The following CHMP2B variants were observed in gnomAD, a reference collection of about 807,000 sequenced individuals.
CHMP2B encodes charged multivesicular body protein 2B, also known as VPS2 homolog B.
CHMP2B carries 22 observed loss-of-function variants against 29.8 expected under a neutral mutation model. The observed-to-expected ratio is 0.74, with a 90% confidence interval of 0.53 to 1.05. The LOEUF (loss-of-function observed/expected upper bound fraction) is 1.05, where lower values mean the gene tolerates loss of function less well. CHMP2B is among the 50% of genes least tolerant of loss of function. CHMP2B has a pLI of 0.00. For synonymous variants in CHMP2B, 78 were observed against 75.8 expected, an observed-to-expected ratio of 1.03 and a Z score of -0.15; for missense variants, 261 against 252.2, an observed-to-expected ratio of 1.03 and a Z score of -0.24.
rs1706370313 is a variant in CHMP2B, at chr3:87,254,553, A to T, written c.*731A>T. On this transcript the variant is annotated 3_prime_UTR_variant, in exon 6 of 6. Transcript: ENST00000263780. ...GCTCTTTTCTATCTCTGTGGGCCTA[A>T]TTGAAATATGTACTCTTATTTTAGA... 1 of 152,188 alleles carries T rather than the reference A, an allele frequency of 6.6e-6. No individual in the cohort carries two copies. The allele number at this position is 152,188 out of a possible 1,614,324, so 9.4% of individuals were successfully genotyped here. A position where few individuals can be genotyped will look rare whatever the true frequency, so the allele number is the denominator to read the frequency against.
At chr3:87,250,535 A>T (rs1172897325) in intron 4 of CHMP2B, among the ~76,000 whole-genome samples, 1 of 151,938 alleles carries the variant, frequency 6.6e-6, no homozygotes, top group Non-Finnish European at 1.5e-5. Flanking sequence ...TGATCTACAA[A>T]AGTGAGATCA....
At chr3:87,239,573 A>C (rs1202026424) in intron 1 of CHMP2B, among the ~76,000 whole-genome samples, 1 of 152,174 alleles carries the variant, frequency 6.6e-6, no homozygotes, top group African/African-American at 2.4e-5. Flanking sequence ...CTAGTAAAGT[A>C]GTTAAGATCA....
At chr3:87,235,830 A>T (rs1029954400) in intron 1 of CHMP2B, among the ~76,000 whole-genome samples, 16 of 152,334 alleles carry the variant, frequency 1.1e-4, no homozygotes, top group African/African-American at 3.1e-4. Flanking sequence ...TTCAGATGCC[A>T]CTTGAAAGAC....
At chr3:87,243,337 C>T (rs78411838) in intron 2 of CHMP2B, among the ~76,000 whole-genome samples, 5,118 of 151,910 alleles carry the variant, frequency 0.034, 125 homozygotes, top group African/African-American at 0.066. Context: ...AATATCTGCA[C>T]CTGTGTTCAT....
At chr3:87,229,489 A>G (rs1262716565) in intron 1 of CHMP2B, among the ~76,000 whole-genome samples, 1 of 152,162 alleles carries the variant, frequency 6.6e-6, no homozygotes, top group Non-Finnish European at 1.5e-5. Flanking sequence ...ATTTACTGAC[A>G]TCTTAATAAA....
chr3:87,235,699 C>G (rs895712448), intron 1 of CHMP2B, among the ~76,000 whole-genome samples: 16 of 152,266 alleles, frequency 1.1e-4, no homozygotes, highest in African/African-American at 3.9e-4. Flanking sequence ...CTATATCTAG[C>G]CTTGACTCTG....
chr3:87,229,744 A>G (rs1340897961), intron 1 of CHMP2B, among the ~76,000 whole-genome samples: 1 of 152,108 alleles, frequency 6.6e-6, no homozygotes, highest in Admixed American at 6.5e-5. Flanking sequence ...TCTGATATAT[A>G]AGGGAAACAT....
At position 87,255,236 on chromosome 3, in the gene CHMP2B, T is replaced by C. The variant is rs1575973316; in HGVS notation, c.*1414T>C. 1 of 152,438 alleles carries C rather than the reference T, an allele frequency of 6.6e-6. No individual in the cohort carries two copies. Among genetic ancestry groups the C allele is most frequent in the South Asian group, 2.1e-4 (1 of 4,834 alleles). The allele number at this position is 152,438 out of a possible 1,614,324, so 9.4% of individuals were successfully genotyped here. ...GAATGAAAAACTAAACTGTATAGTT[T>C]ATATTCCGTAAACCATTTTATAATG... is the stretch of plus-strand genomic sequence containing the variant. On this transcript the variant is annotated 3_prime_UTR_variant, in exon 6 of 6. Coordinates refer to ENST00000263780, the MANE Select transcript of CHMP2B (RefSeq NM_014043.4).
intron 1 of CHMP2B, among the ~76,000 whole-genome samples, chr3:87,236,622 C>T (rs1486818908): frequency 2.0e-5 from 3 of 151,964 alleles, no homozygotes; most frequent in Non-Finnish European, 2.9e-5. Flanking sequence ...GAGGCCGAGG[C>T]GGTTGGATCA....
At chr3:87,252,429 A>C (rs966728024) in intron 4 of CHMP2B, among the ~76,000 whole-genome samples, 2 of 151,710 alleles carry the variant, frequency 1.3e-5, no homozygotes, top group Admixed American at 6.6e-5. Flanking sequence ...ACAACCAAAC[A>C]GAAGAACTTA....
chr3:87,228,133 T>C (rs947086825), intron 1 of CHMP2B, among the ~76,000 whole-genome samples: 8 of 152,186 alleles, frequency 5.3e-5, no homozygotes, highest in Non-Finnish European at 1.0e-4. Flanking sequence ...GTTTTCATAA[T>C]GGATTTTTCT....
At position 87,253,916 on chromosome 3, in the gene CHMP2B, A is replaced by C. The variant is rs1366638520; in HGVS notation, c.*94A>C. The C allele has an allele frequency of 1.2e-5, 7 of 600,020 alleles. No individual in the cohort carries two copies. In the Admixed American group the frequency reaches 2.2e-4, roughly 19 times the overall value. 37.2% of individuals were successfully genotyped at this position (600,020 alleles called of 1,614,324 possible). A position where few individuals can be genotyped will look rare whatever the true frequency, so the allele number is the denominator to read the frequency against. The stretch of plus-strand genomic sequence containing the variant: ...TTTTACAAAACACATGTATTTTGCA[A>C]AAAAAAAAAAAATGAAGACCATGAG... On this transcript the variant is annotated 3_prime_UTR_variant, in exon 6 of 6. Transcript: ENST00000263780.
At chr3:87,236,169 A>G (rs980076056) in intron 1 of CHMP2B, among the ~76,000 whole-genome samples, 2 of 152,106 alleles carry the variant, frequency 1.3e-5, no homozygotes, top group African/African-American at 4.8e-5. Context: ...CTCTCCTGAC[A>G]TATGGGGGTG....
Position 87,227,505 on chromosome 3 carries a change from C to T in CHMP2B, c.-18C>T, listed in dbSNP as rs762989447. On this transcript the variant is annotated 5_prime_UTR_variant, in exon 1 of 6. Coordinates refer to ENST00000263780, the MANE Select transcript of CHMP2B (RefSeq NM_014043.4). ...CCGGACCGGGCCGAGCCGGGCCGCC[C>T]GGGCGCAGTCTTTAACCATGGCGTC... 1.9e-6 allele frequency: 3 copies of T among 1,614,150 alleles called. No homozygotes were observed. The highest frequency in any genetic ancestry group is 2.5e-6 in the Non-Finnish European group (3 of 1,180,018).
chr3:87,249,910 A>G lies in CHMP2B; in HGVS notation c.357A>G (p.Gln119=). 1 of 1,608,020 alleles carries G rather than the reference A, an allele frequency of 6.2e-7. No individual in the cohort carries two copies. The highest frequency in any genetic ancestry group is 8.5e-7 in the Non-Finnish European group (1 of 1,175,706). The change falls in exon 4 of 6, where the codon CAA becomes CAG. Residue 119 remains glutamine, a synonymous_variant. Transcript: ENST00000263780. The part of the protein sequence containing the change: ...MQAVNKKMDP[Q]KTLQTMQNFQ... ...CAGTTAACAAGAAGATGGATCCACA[A>G]AAGACATTACAAACAATGCAGAATT...
chr3:87,246,978 A>G (rs767270161), intron 3 of CHMP2B, among the ~76,000 whole-genome samples: 1 of 152,216 alleles, frequency 6.6e-6, no homozygotes, highest in Non-Finnish European at 1.5e-5. Flanking sequence ...TAAGAATATC[A>G]TTAGATGTTA....
intron 1 of CHMP2B, among the ~76,000 whole-genome samples, chr3:87,233,572 G>T (rs1705944289): frequency 6.6e-6 from 1 of 151,986 alleles, no homozygotes. Context: ...CTCACTCTGG[G>T]CTTTTCTTAT....
At chr3:87,230,058 A>G (rs1705878933) in intron 1 of CHMP2B, among the ~76,000 whole-genome samples, 1 of 152,148 alleles carries the variant, frequency 6.6e-6, no homozygotes, top group Non-Finnish European at 1.5e-5. Context: ...CTGTGTAAGG[A>G]TATACATATA....
chr3:87,234,187 A>G (rs1705958511), intron 1 of CHMP2B, among the ~76,000 whole-genome samples: 1 of 152,222 alleles, frequency 6.6e-6, no homozygotes, highest in Admixed American at 6.5e-5. Flanking sequence ...AATGGTAGGG[A>G]GGACAGGCAT....
Sources: allele counts gnomAD v4.1 joint callset (sites outside exome capture counted in the v4.1 genomes callset), GRCh38; gene constraint gnomAD v4.1.1; transcripts MANE v1.5; gene names NCBI Gene and HGNC (gene_info 2026-07-23, HGNC 2026-07-21).